Variants in NEURL4 observed in about 807,000 individuals in gnomAD.
The protein encoded by NEURL4 is neuralized-like protein 4.
In NEURL4, 45 loss-of-function variants were observed where a neutral mutation model predicts 148.0. The ratio of observed to expected loss-of-function variants is 0.30; its 90% CI spans 0.24 to 0.39. The LOEUF is 0.39. Ranked by LOEUF, NEURL4 falls within the 10% of genes least tolerant of loss-of-function variation. NEURL4 has a pLI of 1.00. For missense variants in NEURL4, 1,776 were observed against 2,144.0 expected, an observed-to-expected ratio of 0.83 and a Z score of 3.39; for synonymous variants, 854 against 869.0, an observed-to-expected ratio of 0.98 and a Z score of 0.30.
Position 7,321,843 on chromosome 17 carries a change from C to A in NEURL4, c.2871+22G>T. Reference sequence around the variant, plus strand: ...TGTCGTGATGGGCCTCGCAGCCCCTCTGTCACATCACTACGGCCTACCTCA... The same window carrying A: ...TGTCGTGATGGGCCTCGCAGCCCCTATGTCACATCACTACGGCCTACCTCA... On this transcript the variant is annotated intron_variant, in intron 17 of 28. Transcript: ENST00000399464. This position sits in a 1 kb window ranked among gnomAD's most constrained non-coding sequence, Gnocchi z 6.3. 6.2e-7 allele frequency: 1 copy of A among 1,612,158 alleles called. No individual in the cohort carries two copies. Among genetic ancestry groups the A allele is most frequent in the Admixed American group, 1.7e-5 (1 of 59,976 alleles).
chr17:7,325,862 T>TC, intron 6 of NEURL4, 149 bp from the exon 7 acceptor site: 1 of 692,018 alleles, frequency 1.4e-6, no homozygotes. Flanking sequence ...ACATGACAAT[T>TC]TCCACATTTC....
Position 7,318,912 on chromosome 17 carries a change from C to G in NEURL4, c.3684+138G>C. ...CTAAGACTGACCAGGCAATGCTACT[C>G]GCCCTTGCCTGCCCATTACTGTTCC... On this transcript the variant is annotated intron_variant, in intron 22 of 28. Coordinates refer to ENST00000399464, the MANE Select transcript of NEURL4 (RefSeq NM_032442.3). The surrounding 1 kb of genome is among the most constrained non-coding windows in gnomAD (Gnocchi z 4.3). 9.9e-7 allele frequency: 1 copy of G among 1,012,226 alleles called. No homozygotes were observed. The highest frequency in any genetic ancestry group is 1.4e-6 in the Non-Finnish European group (1 of 696,916). The allele number at this position is 1,012,226 out of a possible 1,614,324, so 62.7% of individuals were successfully genotyped here. A position where few individuals can be genotyped will look rare whatever the true frequency, so the allele number is the denominator to read the frequency against.
Position 7,322,024 on chromosome 17 carries a change from G to A in NEURL4, c.2726-14C>T, listed in dbSNP as rs760175695. On this transcript the variant is annotated splice_polypyrimidine_tract_variant and intron_variant, in intron 16 of 28. Coordinates refer to ENST00000399464, the MANE Select transcript of NEURL4 (RefSeq NM_032442.3). This position sits in a 1 kb window ranked among gnomAD's most constrained non-coding sequence, Gnocchi z 5.5. The stretch of plus-strand genomic sequence containing the variant: ...CCACGCCAGCCACTGTGAAGAGATG[G>A]CACCAGTAGAAGGGGTAGGATTGGG... The A allele has an allele frequency of 4.4e-6, 7 of 1,595,968 alleles. No individual in the cohort carries two copies. The East Asian group carries it at 1.6e-4, about 36-fold the overall frequency.
chr17:7,327,300 C>A lies in NEURL4; in HGVS notation c.728-70G>T. 2.7e-6 allele frequency: 4 copies of A among 1,480,298 alleles called. No individual in the cohort carries two copies. The highest frequency in any genetic ancestry group is 3.6e-6 in the Non-Finnish European group (4 of 1,102,174). The allele number at this position is 1,480,298 out of a possible 1,614,324, so 91.7% of individuals were successfully genotyped here. On this transcript the variant is annotated intron_variant, in intron 2 of 28. Coordinates refer to ENST00000399464, the MANE Select transcript of NEURL4 (RefSeq NM_032442.3). The surrounding 1 kb of genome is among the most constrained non-coding windows in gnomAD (Gnocchi z 6.6). ...GCTTCACGGCCCATAGCCAGGAGAA[C>A]CCCCCATCCTCTAGCTCCTGCTCTC...
At position 7,327,464 on chromosome 17, in the gene NEURL4, C is replaced by T. The variant is rs368629006; in HGVS notation, c.703G>A (p.Glu235Lys). The change falls in exon 2 of 29, where the codon GAA (glutamate) becomes AAA (lysine). Residue 235 changes from glutamate (E) to lysine (K), a missense_variant. Transcript: ENST00000399464. The surrounding 1 kb of genome is among the most constrained non-coding windows in gnomAD (Gnocchi z 6.6). ...CCTTCATCTGCAGAGGTCCCCTGTT[C>T]AGCCAAGGCAGAGTCTTCAGTGGGG... is the stretch of plus-strand genomic sequence containing the variant. ...LAPTEDSALA[E>K]QGTSADEAFM... 1.9e-6 allele frequency: 3 copies of T among 1,562,426 alleles called. No individual in the cohort carries two copies. The Admixed American group carries it at 5.4e-5, about 28-fold the overall frequency.
rs1259613042 is a variant in NEURL4, at chr17:7,324,413, G to A, written c.1881C>T (p.His627=). Residue 627 remains histidine (H), a synonymous_variant, in exon 10 of 29, where the codon CAC becomes CAT. Coordinates refer to ENST00000399464, the MANE Select transcript of NEURL4 (RefSeq NM_032442.3). The surrounding 1 kb of genome is among the most constrained non-coding windows in gnomAD (Gnocchi z 5.9). ...TTCCCACCTTGAGGCGGTCCAGATT[G>A]TGCCCGTATTCATCCAGGATGGTCG... ...NGTTILDEYG[H]NLDRLKAGDT... 1.2e-6 allele frequency: 2 copies of A among 1,614,156 alleles called. No individual in the cohort carries two copies. The highest frequency in any genetic ancestry group is 1.3e-5 in the African/African-American group (1 of 75,046).
chr17:7,326,415 C>T lies in NEURL4; in HGVS notation c.1204+22G>A, dbSNP rs567048199. On this transcript the variant is annotated intron_variant, in intron 5 of 28. Transcript: ENST00000399464. The surrounding 1 kb of genome is among the most constrained non-coding windows in gnomAD (Gnocchi z 6.0). Reference sequence around the variant, plus strand: ...CTCAGCAACACCAGGCCTGCACCCCCGCCCCTGCCCGGGGCTGGTACCTGA... The same window carrying T: ...CTCAGCAACACCAGGCCTGCACCCCTGCCCCTGCCCGGGGCTGGTACCTGA... 24 of 1,612,966 alleles carry T rather than the reference C, an allele frequency of 1.5e-5. No individual in the cohort carries two copies. Among genetic ancestry groups the T allele is most frequent in the African/African-American group, 1.1e-4 (8 of 75,006 alleles).
intron 21 of NEURL4, among the ~76,000 whole-genome samples, chr17:7,320,076 C>T (rs537999856): frequency 2.4e-4 from 37 of 151,964 alleles, no homozygotes; most frequent in Middle Eastern, 6.8e-3. Context: ...GTGATCTGCC[C>T]GCCTCGGCCT....
Position 7,315,665 on chromosome 17 carries a change from CAG to C in NEURL4, c.*456_*457del, listed in dbSNP as rs912230451. The stretch of plus-strand genomic sequence containing the variant: ...CGGTGTTTATTGGCTCCTTAGAAAT[CAG>C]AGTCAGTAACAACTGTACAGAGGCC... On this transcript the variant is annotated 3_prime_UTR_variant, in exon 29 of 29. Transcript: ENST00000399464. 35 of 403,300 alleles carry C rather than the reference CAG, an allele frequency of 8.7e-5. No homozygotes were observed. Among genetic ancestry groups the C allele is most frequent in the African/African-American group, 3.5e-4 (17 of 48,770 alleles). 25.0% of individuals were successfully genotyped at this position (403,300 alleles called of 1,614,324 possible).
chr17:7,319,709 C>CAA (rs201718217), intron 21 of NEURL4, among the ~76,000 whole-genome samples: 29,912 of 111,582 alleles, frequency 0.27, 4,358 homozygotes, highest in South Asian at 0.38. Flanking sequence ...TCAAAAAAAA[C>CAA]AAAAAAACAA....
chr17:7,317,400 T>G (rs774937332), intron 27 of NEURL4, 30 bp from the exon 28 acceptor site: 5 of 1,607,002 alleles, frequency 3.1e-6, no homozygotes, highest in Non-Finnish European at 4.3e-6. Flanking sequence ...AGGATAGCCC[T>G]TTTTATTCCT....
rs2073100094 is a variant in NEURL4, at chr17:7,326,052, A to G, written c.1293+203T>C. The stretch of plus-strand genomic sequence containing the variant: ...GGTTCGCTACTACAAATGGGAAAAC[A>G]GTAAGAGGAATTCAACCATCTGACT... On this transcript the variant is annotated intron_variant, in intron 6 of 28. Coordinates refer to ENST00000399464, the MANE Select transcript of NEURL4 (RefSeq NM_032442.3). This position sits in a 1 kb window ranked among gnomAD's most constrained non-coding sequence, Gnocchi z 6.0. Among the ~76,000 whole-genome samples the G allele has an allele frequency of 6.6e-6, 1 of 152,222 alleles. No homozygotes were observed. Among genetic ancestry groups the G allele is most frequent in the Non-Finnish European group, 1.5e-5 (1 of 68,032 alleles).
Position 7,318,608 on chromosome 17 carries a change from C to T in NEURL4, c.3751G>A (p.Asp1251Asn). ...PEGTILGLRLDSSGGLHLHVN... is the reference protein window; with the variant it reads ...PEGTILGLRLNSSGGLHLHVN... ...TGAAGATGCAGCCCCCCAGAGCTGTCCAGCCGCAGTCCCAGGATGGTGCCT... is the reference window on the plus strand; with the variant it reads ...TGAAGATGCAGCCCCCCAGAGCTGTTCAGCCGCAGTCCCAGGATGGTGCCT... The change falls in exon 23 of 29, where the codon GAC becomes AAC. Residue 1251 changes from aspartate (D) to asparagine (N), a missense_variant. Asp to Asn is a conservative substitution (Grantham distance 23, BLOSUM62 1). Transcript: ENST00000399464. The surrounding 1 kb of genome is among the most constrained non-coding windows in gnomAD (Gnocchi z 4.3). 1 of 1,614,094 alleles carries T rather than the reference C, an allele frequency of 6.2e-7. No individual in the cohort carries two copies. The highest frequency in any genetic ancestry group is 8.5e-7 in the Non-Finnish European group (1 of 1,179,992).
At position 7,316,073 on chromosome 17, in the gene NEURL4, G is replaced by C. The variant is rs1391104551; in HGVS notation, c.*50C>G. The C allele has an allele frequency of 6.1e-6, 6 of 983,926 alleles. No individual in the cohort carries two copies. The highest frequency in any genetic ancestry group is 8.3e-6 in the Non-Finnish European group (5 of 605,178). The allele number at this position is 983,926 out of a possible 1,614,324, so 60.9% of individuals were successfully genotyped here. On this transcript the variant is annotated 3_prime_UTR_variant, in exon 29 of 29. Transcript: ENST00000399464. The stretch of plus-strand genomic sequence containing the variant: ...GAGGTGGAGGCAGTCGCCACTCAGA[G>C]TCCATGGGCCCGCGGCCCGACTGTG...
At position 7,322,787 on chromosome 17, in the gene NEURL4, G is replaced by A. The variant is rs1358373249; in HGVS notation, c.2673C>T (p.Ser891=). Residue 891 remains serine (S), a synonymous_variant, in exon 16 of 29, where the codon AGC becomes AGT. Coordinates refer to ENST00000399464, the MANE Select transcript of NEURL4 (RefSeq NM_032442.3). The surrounding 1 kb of genome is among the most constrained non-coding windows in gnomAD (Gnocchi z 5.5). The part of the protein sequence containing the change: ...ITNATGPMDN[S]LATSNTATEK... ...CGGTGGCAGTGTTGCTGGTCGCCAG[G>A]CTGTTGTCCATGGGGCCGGTGGCAT... 6.2e-7 allele frequency: 1 copy of A among 1,614,008 alleles called. No homozygotes were observed. The highest frequency in any genetic ancestry group is 1.7e-5 in the Admixed American group (1 of 60,016).
At position 7,324,955 on chromosome 17, in the gene NEURL4, C is replaced by A; in HGVS notation, c.1657G>T (p.Val553Leu). ...PHATDDFNHGVVLSSRALRDG... is the reference protein window; with the variant it reads ...PHATDDFNHGLVLSSRALRDG... ...CGCAGGGCTCTGCTGCTCAGCACCA[C>A]GCCGTGATTGAAGTCATCGGTGGCA... is the stretch of plus-strand genomic sequence containing the variant. Residue 553 changes from valine to leucine, a missense_variant, in exon 9 of 29, where the codon GTG becomes TTG. By Grantham distance (32) the Val-to-Leu change is conservative. Coordinates refer to ENST00000399464, the MANE Select transcript of NEURL4 (RefSeq NM_032442.3). The surrounding 1 kb of genome is among the most constrained non-coding windows in gnomAD (Gnocchi z 5.9). 1 of 1,614,144 alleles carries A rather than the reference C, an allele frequency of 6.2e-7. No homozygotes were observed. Among genetic ancestry groups the A allele is most frequent in the South Asian group, 1.1e-5 (1 of 91,086 alleles).
At position 7,324,223 on chromosome 17, in the gene NEURL4, G is replaced by T. The variant is rs1230959148; in HGVS notation, c.1947C>A (p.His649Gln). The T allele has an allele frequency of 1.9e-6, 3 of 1,613,650 alleles. No individual in the cohort carries two copies. The highest frequency in any genetic ancestry group is 2.5e-6 in the Non-Finnish European group (3 of 1,180,004). The change falls in exon 11 of 29, where the codon CAC becomes CAA. Residue 649 changes from histidine to glutamine, a missense_variant. Transcript: ENST00000399464. The surrounding 1 kb of genome is among the most constrained non-coding windows in gnomAD (Gnocchi z 5.9). ...GVVRREDGTL[H>Q]FFVNGMTQGP... is the part of the protein sequence containing the mutation. Reference sequence around the variant, plus strand: ...CCTGAGTCATCCCATTGACAAAGAAGTGGAGAGTCCCGTCCTCCCGCCGTA... The same window carrying T: ...CCTGAGTCATCCCATTGACAAAGAATTGGAGAGTCCCGTCCTCCCGCCGTA...
chr17:7,318,775 C>CCAT lies in NEURL4; in HGVS notation c.3685-104_3685-102dup. 2 of 1,292,238 alleles carry CCAT rather than the reference C, an allele frequency of 1.5e-6. No homozygotes were observed. The highest frequency in any genetic ancestry group is 2.1e-6 in the Non-Finnish European group (2 of 946,562). 80.0% of individuals were successfully genotyped at this position (1,292,238 alleles called of 1,614,324 possible). A position where few individuals can be genotyped will look rare whatever the true frequency, so the allele number is the denominator to read the frequency against. ...TTTTGCCAGTGCCTTGGCTTTGCCT[C>CCAT]CATGCTTGCCCACTGCCGAGGTTCT... On this transcript the variant is annotated intron_variant, in intron 22 of 28. Coordinates refer to ENST00000399464, the MANE Select transcript of NEURL4 (RefSeq NM_032442.3). The surrounding 1 kb of genome is among the most constrained non-coding windows in gnomAD (Gnocchi z 4.3).
Position 7,324,524 on chromosome 17 carries a change from G to A in NEURL4, c.1814-44C>T, listed in dbSNP as rs1567622078. The stretch of plus-strand genomic sequence containing the variant: ...GGAGGGGACATGAGGGGAAATGCAG[G>A]GCTCCTCTCCTTGCCACAGCAGCGC... On this transcript the variant is annotated intron_variant, in intron 9 of 28. Coordinates refer to ENST00000399464, the MANE Select transcript of NEURL4 (RefSeq NM_032442.3). The surrounding 1 kb of genome is among the most constrained non-coding windows in gnomAD (Gnocchi z 5.9). The A allele has an allele frequency of 1.9e-6, 3 of 1,554,958 alleles. No individual in the cohort carries two copies. Among genetic ancestry groups the A allele is most frequent in the Non-Finnish European group, 2.7e-6 (3 of 1,126,348 alleles).
Sources: gnomAD v4.1 joint callset for allele counts (sites outside exome capture counted in the v4.1 genomes callset) on GRCh38, gnomAD v4.1.1 for gene constraint, Gnocchi (gnomAD v3.1) non-coding constraint, MANE v1.5 for transcripts, NCBI Gene and HGNC (gene_info 2026-07-23, HGNC 2026-07-21) for gene names.